Variants in CSMD1 observed in about 807,000 individuals in gnomAD.
CSMD1 encodes the protein CUB and Sushi multiple domains 1, also known as CUB and sushi domain-containing protein 1.
CSMD1 carries 213 observed loss-of-function variants against 417.5 expected under a neutral mutation model. The ratio of observed to expected loss-of-function variants is 0.51; its 90% CI spans 0.46 to 0.57. The LOEUF (loss-of-function observed/expected upper bound fraction) is 0.57, where lower values mean the gene tolerates loss of function less well. Ranked by LOEUF, CSMD1 falls within the 20% of genes least tolerant of loss-of-function variation. CSMD1 has a pLI of 0.00. For synonymous variants in CSMD1, 2,862 were observed against 1,736.8 expected (o/e 1.65, Z -16.11); for missense variants, 6,923 against 4,529.7 (o/e 1.53, Z -15.17).
At chr8:3,716,507 T>C (rs1035835018) in intron 6 of CSMD1, among the ~76,000 whole-genome samples, 1 of 152,212 alleles carries the variant, frequency 6.6e-6, no homozygotes, top group Non-Finnish European at 1.5e-5. Context: ...TAAACTGTCA[T>C]GGTGCTGATG....
At chr8:3,291,664 G>A (rs1386712250) in intron 25 of CSMD1, among the ~76,000 whole-genome samples, 5 of 152,132 alleles carry the variant, frequency 3.3e-5, no homozygotes, top group Non-Finnish European at 4.4e-5. Context: ...TGTGGGATCG[G>A]TGGTGATATT....
At chr8:3,913,794 G>A (rs1034948883) in intron 5 of CSMD1, among the ~76,000 whole-genome samples, 56 of 152,208 alleles carry the variant, frequency 3.7e-4, no homozygotes, top group African/African-American at 1.3e-3. Context: ...TCTTAATGCT[G>A]GGCACCAGAG....
At chr8:3,250,988 G>A (rs1460677941) in intron 26 of CSMD1, among the ~76,000 whole-genome samples, 2 of 152,044 alleles carry the variant, frequency 1.3e-5, no homozygotes, top group Non-Finnish European at 2.9e-5. Context: ...AGTAGATTGT[G>A]AAAATTTTCT....
intron 47 of CSMD1, among the ~76,000 whole-genome samples, chr8:3,094,864 G>T (rs1815191510): frequency 6.7e-6 from 1 of 148,394 alleles, no homozygotes; most frequent in African/African-American, 2.5e-5. Context: ...GACATTTACT[G>T]CAACAAAAAT....
At chr8:4,016,445 G>C (rs1179055407) in intron 4 of CSMD1, among the ~76,000 whole-genome samples, 1 of 152,110 alleles carries the variant, frequency 6.6e-6, no homozygotes, top group Non-Finnish European at 1.5e-5. Context: ...CTGTCTCTTA[G>C]ACGTCTCCAG....
Position 4,854,161 on chromosome 8 carries a change from T to A in CSMD1, c.85+140171A>T, listed in dbSNP as rs545903457. Among the ~76,000 whole-genome samples, 19 of 152,160 alleles carry A rather than the reference T, an allele frequency of 1.2e-4. No individual in the cohort carries two copies. The South Asian group carries it at 3.9e-3, about 32-fold the overall frequency. On this transcript the variant is annotated intron_variant, in intron 1 of 69. Transcript: ENST00000635120. ...GATTTTGGGGGCTATTGGCAGGAGA[T>A]GATTCTATTTTGCAATGTGAGAAGG... is the stretch of plus-strand genomic sequence containing the variant.
chr8:4,078,408 G>A (rs1302993644), intron 3 of CSMD1, among the ~76,000 whole-genome samples: 1 of 145,346 alleles, frequency 6.9e-6, no homozygotes, highest in African/African-American at 2.6e-5. Flanking sequence ...TCCACCTCCC[G>A]GGTTCACGCC....
rs1801573238 is a variant in CSMD1, at chr8:2,937,534, A to G, written c.*1051T>C. ...CATCGACTATCTAAAATAAATTACT[A>G]TTCACAGTTTTACATGGCAAACAGA... On this transcript the variant is annotated 3_prime_UTR_variant, in exon 70 of 70. Coordinates refer to ENST00000635120, the MANE Select transcript of CSMD1 (RefSeq NM_033225.6). 1 of 152,096 alleles carries G rather than the reference A, an allele frequency of 6.6e-6. No individual in the cohort carries two copies. Among genetic ancestry groups the G allele is most frequent in the Admixed American group, 6.5e-5 (1 of 15,268 alleles). 9.4% of individuals were successfully genotyped at this position (152,096 alleles called of 1,614,324 possible). A position where few individuals can be genotyped will look rare whatever the true frequency, so the allele number is the denominator to read the frequency against.
chr8:3,919,911 G>T (rs763141389), intron 5 of CSMD1, among the ~76,000 whole-genome samples: 13 of 151,714 alleles, frequency 8.6e-5, no homozygotes, highest in Non-Finnish European at 1.5e-4. Flanking sequence ...AGATTTTTTT[G>T]GGAATTTCTT....
intron 3 of CSMD1, among the ~76,000 whole-genome samples, chr8:4,138,106 G>A (rs1228074932): frequency 1.8e-5 from 2 of 111,348 alleles, no homozygotes; most frequent in Non-Finnish European, 3.4e-5. Context: ...TAGTAGAGAC[G>A]CGGTTTCACC....
At chr8:3,481,064 G>A (rs923485416) in intron 11 of CSMD1, among the ~76,000 whole-genome samples, 1 of 149,738 alleles carries the variant, frequency 6.7e-6, no homozygotes, top group South Asian at 2.2e-4. Flanking sequence ...GCTGAGGCAG[G>A]AGAGTGCTTT....
chr8:4,409,591 T>C (rs1011908670), intron 3 of CSMD1, among the ~76,000 whole-genome samples: 2 of 152,098 alleles, frequency 1.3e-5, no homozygotes, highest in Non-Finnish European at 2.9e-5. Context: ...GAATTTGTTC[T>C]GTGTACTCTG....
intron 10 of CSMD1, among the ~76,000 whole-genome samples, chr8:3,517,600 AG>A (rs1797335190): frequency 6.6e-6 from 1 of 152,190 alleles, no homozygotes; most frequent in Non-Finnish European, 1.5e-5. Context: ...ATACAGGCTG[AG>A]GGAATAATAT....
At chr8:4,793,698 G>T (rs1411449104) in intron 1 of CSMD1, among the ~76,000 whole-genome samples, 1 of 152,106 alleles carries the variant, frequency 6.6e-6, no homozygotes, top group African/African-American at 2.4e-5. Flanking sequence ...ACATGGAGAG[G>T]TTGGAGGCCA....
At chr8:3,966,069 A>G (rs1812661208) in intron 5 of CSMD1, among the ~76,000 whole-genome samples, 1 of 152,232 alleles carries the variant, frequency 6.6e-6, no homozygotes, top group Non-Finnish European at 1.5e-5. Flanking sequence ...GAATAAAATA[A>G]CGAATGTCCA....
intron 23 of CSMD1, among the ~76,000 whole-genome samples, chr8:3,341,598 G>A (rs535147491): frequency 6.6e-6 from 1 of 152,286 alleles, no homozygotes; most frequent in African/African-American, 2.4e-5. Context: ...CAGCAGTGTT[G>A]AGAGTGAGGT....
intron 3 of CSMD1, among the ~76,000 whole-genome samples, chr8:4,402,824 T>C (rs1804739276): frequency 1.0e-5 from 1 of 99,052 alleles, no homozygotes; most frequent in South Asian, 3.3e-4. Context: ...TTTTTTTCTT[T>C]TTTTTTTTTT....
chr8:4,573,542 T>A (rs896805029), intron 2 of CSMD1, among the ~76,000 whole-genome samples: 5 of 152,102 alleles, frequency 3.3e-5, no homozygotes, highest in African/African-American at 1.2e-4. Context: ...AGCTCTCCTG[T>A]ATGAGATGTC....
chr8:4,150,922 T>C (rs1363677386), intron 3 of CSMD1, among the ~76,000 whole-genome samples: 2 of 151,906 alleles, frequency 1.3e-5, no homozygotes, highest in Non-Finnish European at 2.9e-5. Flanking sequence ...CCCTCTCCTG[T>C]GCTTTAATTA....
Sources: gnomAD v4.1 joint callset for allele counts (sites outside exome capture counted in the v4.1 genomes callset) on GRCh38, gnomAD v4.1.1 for gene constraint, MANE v1.5 for transcripts, NCBI Gene and HGNC (gene_info 2026-07-23, HGNC 2026-07-21) for gene names.